INCENP: variants seen among roughly 807,000 people sequenced by gnomAD.
INCENP encodes inner centromere protein, also known as binds and activates aurora-B and -C in vivo and in vitro.
INCENP carries 43 observed loss-of-function variants against 107.3 expected under a neutral mutation model. That is an observed-to-expected ratio of 0.40 (90% CI 0.31 to 0.52). The LOEUF (loss-of-function observed/expected upper bound fraction) is 0.52. Ranked by LOEUF, INCENP falls within the 20% of genes least tolerant of loss-of-function variation. The probability of loss-of-function intolerance (pLI) is 0.53; values close to 1 mark genes in which losing one functional copy is unlikely to be tolerated. For missense variants in INCENP, 1,089 were observed against 1,250.9 expected, an observed-to-expected ratio of 0.87 and a Z score of 1.95; for synonymous variants, 488 against 494.4, an observed-to-expected ratio of 0.99 and a Z score of 0.17.
intron 3 of INCENP, among the ~76,000 whole-genome samples, chr11:62,129,400 C>A (rs1046492952): frequency 1.3e-5 from 2 of 152,164 alleles, no homozygotes; most frequent in African/African-American, 4.8e-5. Context: ...TCTGAGCCTC[C>A]GTTCCTCATC....
intron 1 of INCENP, among the ~76,000 whole-genome samples, chr11:62,126,625 A>G (rs1943757153): frequency 6.6e-6 from 1 of 152,168 alleles, no homozygotes; most frequent in Non-Finnish European, 1.5e-5. Context: ...CTGTTGGGAT[A>G]TTTAATGAGC....
chr11:62,152,043 CTGTCTTGGT>C lies in INCENP; in HGVS notation c.*68_*76del, dbSNP rs1248097067. 5 of 1,260,696 alleles carry C rather than the reference CTGTCTTGGT, an allele frequency of 4.0e-6. No homozygotes were observed. Among genetic ancestry groups the C allele is most frequent in the Non-Finnish European group, 5.6e-6 (5 of 897,460 alleles). The allele number at this position is 1,260,696 out of a possible 1,614,324, so 78.1% of individuals were successfully genotyped here. On this transcript the variant is annotated 3_prime_UTR_variant, in exon 19 of 19. Coordinates refer to ENST00000394818, the MANE Select transcript of INCENP (RefSeq NM_001040694.2). ...TGTCTATCTGTCTGTCTGTCGGTCT[CTGTCTTGGT>C]CTGTTGCCCTCCTTCTTGGCATGCC...
intron 18 of INCENP, 67 bp downstream of exon 18, chr11:62,150,274 A>G: frequency 6.5e-7 from 1 of 1,550,158 alleles, no homozygotes. Context: ...AGGGCCCTGG[A>G]AGTAGTGGGT....
At chr11:62,127,644 C>G (rs1565089115) in intron 1 of INCENP, among the ~76,000 whole-genome samples, 1 of 152,190 alleles carries the variant, frequency 6.6e-6, no homozygotes, top group Non-Finnish European at 1.5e-5. Context: ...GTTCTTTGGC[C>G]TGATGTCTGG....
chr11:62,137,035 G>C (rs1275728686), intron 4 of INCENP, among the ~76,000 whole-genome samples: 1 of 151,548 alleles, frequency 6.6e-6, no homozygotes, highest in Non-Finnish European at 1.5e-5. Flanking sequence ...GCCAGCTCAG[G>C]TCCCCCCATC....
intron 11 of INCENP, among the ~76,000 whole-genome samples, chr11:62,141,977 A>G (rs114376776): frequency 6.6e-6 from 1 of 152,244 alleles, no homozygotes; most frequent in African/African-American, 2.4e-5. Flanking sequence ...ACTGAGGTGG[A>G]AGTGCTGGGT....
At chr11:62,126,200 G>GTTTT (rs57052675) in intron 1 of INCENP, among the ~76,000 whole-genome samples, 9 of 100,032 alleles carry the variant, frequency 9.0e-5, no homozygotes, top group African/African-American at 2.7e-4. Context: ...GTTGTGCATG[G>GTTTT]TTTTTTTTTT....
chr11:62,147,617 A>G (rs1944280041), intron 15 of INCENP, among the ~76,000 whole-genome samples: 1 of 152,188 alleles, frequency 6.6e-6, no homozygotes, highest in Non-Finnish European at 1.5e-5. Flanking sequence ...CAGGCCCCGT[A>G]GCTGTTCCCT....
chr11:62,139,801 A>G (rs1858215838), intron 7 of INCENP, among the ~76,000 whole-genome samples: 1 of 152,116 alleles, frequency 6.6e-6, no homozygotes, highest in African/African-American at 2.4e-5. Context: ...GCGTCCACAC[A>G]CTGTTCTTCG....
chr11:62,146,628 C>T (rs1233267244), intron 14 of INCENP, 30 bp from the exon 15 acceptor site: 20 of 1,549,390 alleles, frequency 1.3e-5, no homozygotes, highest in African/African-American at 6.8e-5. Context: ...TGGGCCTGGC[C>T]GCAGCACCTG....
chr11:62,137,218 G>A lies in INCENP; in HGVS notation c.1064-614G>A, dbSNP rs535381055. On this transcript the variant is annotated intron_variant, in intron 4 of 18. Coordinates refer to ENST00000394818, the MANE Select transcript of INCENP (RefSeq NM_001040694.2). ...AAAATACAAAAATTAGCCGGAAGTC[G>A]CTTGAACCCAGGAGGCAGTGGTTGC... Among the ~76,000 whole-genome samples the A allele has an allele frequency of 4.6e-5, 7 of 152,134 alleles. 1 individual carries two copies. In the East Asian group the frequency reaches 1.4e-3, roughly 30 times the overall value.
intron 11 of INCENP, chr11:62,144,776 C>T (rs775193819): frequency 5.3e-6 from 4 of 761,690 alleles, no homozygotes; most frequent in Admixed American, 5.1e-5. Context: ...TGCGAGGTAG[C>T]TGAGTGCTCC....
At chr11:62,143,486 G>A (rs1944169234) in intron 11 of INCENP, among the ~76,000 whole-genome samples, 1 of 152,052 alleles carries the variant, frequency 6.6e-6, no homozygotes. Context: ...TCCAAGTCTG[G>A]TCTTCTTCCC....
chr11:62,138,293 C>T (rs1385146155), intron 5 of INCENP, among the ~76,000 whole-genome samples: 5 of 152,244 alleles, frequency 3.3e-5, no homozygotes, highest in Non-Finnish European at 7.3e-5. Flanking sequence ...AGCCCCCTCC[C>T]TCCTTGCTGC....
chr11:62,133,184 C>T (rs900428211), intron 4 of INCENP, among the ~76,000 whole-genome samples: 5 of 151,990 alleles, frequency 3.3e-5, no homozygotes, highest in African/African-American at 9.7e-5. Flanking sequence ...GTGTTCCCCA[C>T]GAGCAGCCCT....
Position 62,140,941 on chromosome 11 carries a change from A to C in INCENP, c.1490A>C (p.His497Pro). ...GTACGGCCCCTCCGGACCTTTCTGC[A>C]CACAGTGCAGAGGAACCAGATGCTC... ...KVVRPLRTFLHTVQRNQMLMT... is the reference protein window; with the variant it reads ...KVVRPLRTFLPTVQRNQMLMT... The change falls in exon 10 of 19, where the codon CAC becomes CCC. Residue 497 changes from histidine (H) to proline (P), a missense_variant. His to Pro is a moderately conservative substitution (Grantham distance 77, BLOSUM62 -2). Coordinates refer to ENST00000394818, the MANE Select transcript of INCENP (RefSeq NM_001040694.2). 6.2e-7 allele frequency: 1 copy of C among 1,614,210 alleles called. No individual in the cohort carries two copies.
chr11:62,127,038 G>GTTT (rs1443465807), intron 1 of INCENP, among the ~76,000 whole-genome samples: 1 of 103,314 alleles, frequency 9.7e-6, no homozygotes, highest in Non-Finnish European at 2.2e-5. Context: ...CAAGTTTTTT[G>GTTT]TTTTGTTTTT....
chr11:62,141,697 G>C lies in INCENP; in HGVS notation c.1605+186G>C. ...AGGCGCCCAGCAGTTCTGGGCCCCA[G>C]CGTCCTTCTCTGCCCTCCCTGCCCT... is the stretch of plus-strand genomic sequence containing the variant. On this transcript the variant is annotated intron_variant, in intron 11 of 18. Transcript: ENST00000394818. The C allele has an allele frequency of 3.9e-6, 3 of 773,950 alleles. No homozygotes were observed. The South Asian group carries it at 4.7e-5, about 12-fold the overall frequency. The allele number at this position is 773,950 out of a possible 1,614,324, so 47.9% of individuals were successfully genotyped here.
chr11:62,145,431 G>T, intron 13 of INCENP, 142 bp downstream of exon 13: 1 of 1,388,620 alleles, frequency 7.2e-7, no homozygotes, highest in Non-Finnish European at 9.8e-7. Flanking sequence ...AGTCCACTCA[G>T]CTCTGGGTTT....
Sources: allele counts gnomAD v4.1 joint callset (sites outside exome capture counted in the v4.1 genomes callset), GRCh38; gene constraint gnomAD v4.1.1; transcripts MANE v1.5; gene names NCBI Gene and HGNC (gene_info 2026-07-23, HGNC 2026-07-21).